Variants in SIPA1L3 observed in about 807,000 individuals in gnomAD.
SIPA1L3 encodes the protein signal-induced proliferation-associated 1-like protein 3.
A neutral mutation model predicts 150.1 loss-of-function variants in SIPA1L3; 59 were observed. The ratio of observed to expected loss-of-function variants is 0.39; its 90% CI spans 0.32 to 0.49. The LOEUF (loss-of-function observed/expected upper bound fraction) is 0.49, where lower values mean the gene tolerates loss of function less well. Among genes scored for constraint, SIPA1L3 ranks in the 20% least tolerant of loss-of-function variants. The pLI is 0.86. For missense variants in SIPA1L3, 2,211 were observed against 2,489.5 expected, an observed-to-expected ratio of 0.89 and a Z score of 2.38; for synonymous variants, 1,070 against 1,077.6, an observed-to-expected ratio of 0.99 and a Z score of 0.14.
chr19:37,938,342 AT>A (rs2145516417), intron 1 of SIPA1L3, among the ~76,000 whole-genome samples: 1 of 152,216 alleles, frequency 6.6e-6, no homozygotes, highest in South Asian at 2.1e-4. Flanking sequence ...TGGACATGAG[AT>A]TTCTGGATTG....
intron 1 of SIPA1L3, among the ~76,000 whole-genome samples, chr19:37,909,312 A>G (rs1388433975): frequency 6.6e-6 from 1 of 151,786 alleles, no homozygotes; most frequent in Non-Finnish European, 1.5e-5. Context: ...GGTTCAAGCA[A>G]TTCTCCTGCC....
chr19:38,012,235 G>T (rs1433793365), intron 1 of SIPA1L3, among the ~76,000 whole-genome samples: 10 of 151,900 alleles, frequency 6.6e-5, no homozygotes, highest in Admixed American at 1.3e-4. Context: ...ACAGGTGCAT[G>T]CCCCCATGTC....
chr19:37,964,506 T>C (rs1191714691), intron 1 of SIPA1L3: 1 of 154,524 alleles, frequency 6.5e-6, no homozygotes, highest in Non-Finnish European at 1.4e-5. Flanking sequence ...GTTTGTTTGT[T>C]TGTTTTGAGA....
chr19:38,047,688 T>A lies in SIPA1L3; in HGVS notation c.-311+18532T>A, dbSNP rs992994610. 5.3e-5 allele frequency among the ~76,000 whole-genome samples: 8 copies of A among 152,160 alleles called. No homozygotes were observed. Among genetic ancestry groups the A allele is most frequent in the African/African-American group, 1.9e-4 (8 of 41,428 alleles). ...CCCGCCCCTGCCACACTGGTATCTTTCCCTTGATGCTGACGGAGGGATGTG... is the reference window on the plus strand; with the variant it reads ...CCCGCCCCTGCCACACTGGTATCTTACCCTTGATGCTGACGGAGGGATGTG... On this transcript the variant is annotated intron_variant, in intron 2 of 21. Coordinates refer to ENST00000222345, the MANE Select transcript of SIPA1L3 (RefSeq NM_015073.3). The surrounding 1 kb of genome is among the most constrained non-coding windows in gnomAD (Gnocchi z 4.7).
At chr19:37,924,142 T>C (rs2046480698) in intron 1 of SIPA1L3, among the ~76,000 whole-genome samples, 1 of 152,218 alleles carries the variant, frequency 6.6e-6, no homozygotes, top group South Asian at 2.1e-4. Flanking sequence ...ATTTTCTTTA[T>C]ATCTTTATTC....
chr19:37,928,089 T>A (rs2046522426), intron 1 of SIPA1L3, among the ~76,000 whole-genome samples: 1 of 152,160 alleles, frequency 6.6e-6, no homozygotes, highest in Non-Finnish European at 1.5e-5. Flanking sequence ...GAAATGGGAT[T>A]GCTGGGTCGA....
chr19:38,142,792 A>T, intron 12 of SIPA1L3, 82 bp downstream of exon 12: 1 of 1,479,866 alleles, frequency 6.8e-7, no homozygotes, highest in Non-Finnish European at 9.2e-7. Context: ...GCACACCCCC[A>T]CAATTCTAGT....
chr19:38,095,082 CAAAAT>C (rs1421850564), intron 4 of SIPA1L3, among the ~76,000 whole-genome samples: 14 of 152,060 alleles, frequency 9.2e-5, no homozygotes, highest in Non-Finnish European at 2.1e-4. Context: ...TCTCCAAAAA[CAAAAT>C]AAATAAAAAA....
rs1478455005 is a variant in SIPA1L3 at position 38,190,720 on chromosome 19, G to A, written c.4431-1425G>A. Among the ~76,000 whole-genome samples, 4 of 152,210 alleles carry A rather than the reference G, an allele frequency of 2.6e-5. No homozygotes were observed. In the East Asian group the frequency reaches 7.7e-4, roughly 29 times the overall value. ...TTTTTATTGTTATAACCATGATTATGGTTAAGTAAATTCAGACACTTCAGA... is the reference window on the plus strand; with the variant it reads ...TTTTTATTGTTATAACCATGATTATAGTTAAGTAAATTCAGACACTTCAGA... On this transcript the variant is annotated intron_variant, in intron 16 of 21. Coordinates refer to ENST00000222345, the MANE Select transcript of SIPA1L3 (RefSeq NM_015073.3).
At chr19:37,984,428 A>G (rs1209846202) in intron 1 of SIPA1L3, among the ~76,000 whole-genome samples, 1 of 152,158 alleles carries the variant, frequency 6.6e-6, no homozygotes, top group Non-Finnish European at 1.5e-5. Context: ...CTTGCATCTC[A>G]ATGCTGAAAG....
At chr19:38,058,195 T>C (rs970440189) in intron 2 of SIPA1L3, among the ~76,000 whole-genome samples, 2 of 152,146 alleles carry the variant, frequency 1.3e-5, no homozygotes, top group African/African-American at 4.8e-5. Flanking sequence ...TGTTTGATTA[T>C]GGTGTTGAGC....
At chr19:38,171,598 G>A (rs1972329679) in intron 15 of SIPA1L3, among the ~76,000 whole-genome samples, 1 of 151,772 alleles carries the variant, frequency 6.6e-6, no homozygotes, top group African/African-American at 2.4e-5. Context: ...TCACCATGTT[G>A]GCCAGGCTGG....
At chr19:38,144,109 C>T (rs1405427090) in intron 12 of SIPA1L3, among the ~76,000 whole-genome samples, 1 of 152,224 alleles carries the variant, frequency 6.6e-6, no homozygotes, top group Admixed American at 6.5e-5. Context: ...AGCTTCTGTG[C>T]CCCTCTCCAG....
intron 10 of SIPA1L3, among the ~76,000 whole-genome samples, chr19:38,138,479 T>A (rs1362017078): frequency 6.6e-6 from 1 of 152,120 alleles, no homozygotes; most frequent in Non-Finnish European, 1.5e-5. Context: ...GGGACAGCAT[T>A]TAGGCATAGC....
At chr19:38,135,803 C>T (rs1480521674) in intron 10 of SIPA1L3, among the ~76,000 whole-genome samples, 1 of 152,100 alleles carries the variant, frequency 6.6e-6, no homozygotes, top group Admixed American at 6.6e-5. Context: ...AGGTGTGTAG[C>T]TGACCTCATT....
At chr19:38,003,038 C>T (rs776597768) in intron 1 of SIPA1L3, among the ~76,000 whole-genome samples, 4 of 151,914 alleles carry the variant, frequency 2.6e-5, no homozygotes, top group Non-Finnish European at 4.4e-5. Context: ...CTCAGCTACT[C>T]GGGAAGCTGA....
At chr19:38,035,586 T>G (rs1204364117) in intron 2 of SIPA1L3, among the ~76,000 whole-genome samples, 2 of 152,326 alleles carry the variant, frequency 1.3e-5, no homozygotes, top group South Asian at 2.1e-4. Context: ...AGCCCGTGAC[T>G]AGCCCTAAAT....
intron 1 of SIPA1L3, among the ~76,000 whole-genome samples, chr19:37,936,159 C>T (rs538006477): frequency 1.7e-4 from 26 of 152,244 alleles, no homozygotes; most frequent in Admixed American, 1.3e-3. Flanking sequence ...CTTTAGCAGA[C>T]GTCTGCTTGT....
intron 1 of SIPA1L3, among the ~76,000 whole-genome samples, chr19:37,948,925 A>T (rs1440435449): frequency 6.6e-6 from 1 of 152,248 alleles, no homozygotes; most frequent in Admixed American, 6.5e-5. Flanking sequence ...TGGAGCTTCC[A>T]GAGCTTGTTC....
Sources: gnomAD v4.1 joint callset for allele counts (sites outside exome capture counted in the v4.1 genomes callset) on GRCh38, gnomAD v4.1.1 for gene constraint, Gnocchi (gnomAD v3.1) non-coding constraint, MANE v1.5 for transcripts, NCBI Gene and HGNC (gene_info 2026-07-23, HGNC 2026-07-21) for gene names.